The following FRMD3 variants were observed in gnomAD, a reference collection of about 807,000 sequenced individuals.
FRMD3 encodes the protein FERM domain-containing protein 3.
FRMD3 carries 33 observed loss-of-function variants against 70.2 expected under a neutral mutation model. The ratio of observed to expected loss-of-function variants is 0.47; its 90% CI spans 0.36 to 0.63. FRMD3 has a LOEUF of 0.63. FRMD3 is among the 20% of genes least tolerant of loss of function. The pLI is 0.00. For synonymous variants in FRMD3, 279 were observed against 255.9 expected, an observed-to-expected ratio of 1.09 and a Z score of -0.86; for missense variants, 632 against 711.4, an observed-to-expected ratio of 0.89 and a Z score of 1.27.
intron 13 of FRMD3, among the ~76,000 whole-genome samples, chr9:83,253,535 C>T (rs935089174): frequency 6.6e-6 from 1 of 152,254 alleles, no homozygotes; most frequent in Admixed American, 6.5e-5. Context: ...CACTGGCCAT[C>T]AGAGAAATGC....
At chr9:83,463,825 A>C (rs1329566314) in intron 1 of FRMD3, among the ~76,000 whole-genome samples, 1 of 152,186 alleles carries the variant, frequency 6.6e-6, no homozygotes, top group Non-Finnish European at 1.5e-5. Context: ...GCCCTTGCCC[A>C]TTGATGGCCA....
At chr9:83,301,908 T>A (rs1834943793) in intron 10 of FRMD3, among the ~76,000 whole-genome samples, 1 of 152,250 alleles carries the variant, frequency 6.6e-6, no homozygotes, top group African/African-American at 2.4e-5. Flanking sequence ...CGGGTTCCCC[T>A]GGAGGAGTAT....
Position 83,247,586 on chromosome 9 carries a change from G to A in FRMD3, c.*332C>T, listed in dbSNP as rs778226410. The A allele has an allele frequency of 1.6e-5, 16 of 1,029,754 alleles. No homozygotes were observed. The East Asian group carries it at 5.1e-4, about 33-fold the overall frequency. 63.8% of individuals were successfully genotyped at this position (1,029,754 alleles called of 1,614,324 possible). A position where few individuals can be genotyped will look rare whatever the true frequency, so the allele number is the denominator to read the frequency against. On this transcript the variant is annotated 3_prime_UTR_variant, in exon 14 of 14. Coordinates refer to ENST00000304195, the MANE Select transcript of FRMD3 (RefSeq NM_174938.6). ...TCTGAACCTTATAGCTTATAATGGT[G>A]CCAACTATTAGAAATGGGAAAATCT...
At chr9:83,453,767 G>A (rs1827736562) in intron 1 of FRMD3, among the ~76,000 whole-genome samples, 2 of 139,192 alleles carry the variant, frequency 1.4e-5, no homozygotes, top group South Asian at 4.5e-4. Context: ...ACAGGCTAGA[G>A]TGCAGTGGCA....
At chr9:83,529,309 C>A (rs946783997) in intron 1 of FRMD3, among the ~76,000 whole-genome samples, 14 of 152,248 alleles carry the variant, frequency 9.2e-5, no homozygotes, top group African/African-American at 3.4e-4. Flanking sequence ...CTACCTCACA[C>A]CATACACAAA....
chr9:83,568,568 C>T, the FRMD3 span, among the ~76,000 whole-genome samples: 1 of 152,046 alleles, frequency 6.6e-6, no homozygotes, highest in Admixed American at 6.6e-5. Context: ...TGATCTTACT[C>T]ATGTGTGGAA....
chr9:83,504,161 C>A (rs2131517802), intron 1 of FRMD3, among the ~76,000 whole-genome samples: 1 of 152,222 alleles, frequency 6.6e-6, no homozygotes, highest in East Asian at 1.9e-4. Context: ...CCCTTCAAGG[C>A]CAGGCCAGTG....
At chr9:83,541,932 TTTA>T (rs1830004476), upstream of FRMD3, among the ~76,000 whole-genome samples, 2 of 152,254 alleles carry the variant, frequency 1.3e-5, no homozygotes, top group South Asian at 4.1e-4. Context: ...GAAACATTTT[TTTA>T]TTTTTTATTA....
chr9:83,369,979 T>C (rs1824918733), intron 3 of FRMD3, among the ~76,000 whole-genome samples: 1 of 152,194 alleles, frequency 6.6e-6, no homozygotes, highest in African/African-American at 2.4e-5. Context: ...AATAACGCCA[T>C]GTTTGTTAAT....
chr9:83,269,235 T>G (rs901086344), intron 13 of FRMD3, among the ~76,000 whole-genome samples: 2 of 152,226 alleles, frequency 1.3e-5, no homozygotes, highest in Non-Finnish European at 2.9e-5. Flanking sequence ...AATCTTTATG[T>G]TTATCATCAT....
intron 1 of FRMD3, among the ~76,000 whole-genome samples, chr9:83,483,661 C>G (rs1828620499): frequency 6.6e-6 from 1 of 152,074 alleles, no homozygotes; most frequent in Non-Finnish European, 1.5e-5. Flanking sequence ...GAGTTTGAGA[C>G]CAGCCTGCGC....
Position 83,537,976 on chromosome 9 carries a change from C to T in FRMD3, c.147+109G>A, listed in dbSNP as rs1829935601. On this transcript the variant is annotated intron_variant, in intron 1 of 13. Coordinates refer to ENST00000304195, the MANE Select transcript of FRMD3 (RefSeq NM_174938.6). The surrounding 1 kb of genome is among the most constrained non-coding windows in gnomAD (Gnocchi z 4.1). The stretch of plus-strand genomic sequence containing the variant: ...AATCGAAATCTGGCTTTCTAGCAGT[C>T]CCCCAATCCCCTCCGGGAGTGGGTT... The T allele has an allele frequency of 7.9e-7, 1 of 1,262,444 alleles. No homozygotes were observed. Among genetic ancestry groups the T allele is most frequent in the Non-Finnish European group, 1.1e-6 (1 of 904,884 alleles). The allele number at this position is 1,262,444 out of a possible 1,614,324, so 78.2% of individuals were successfully genotyped here.
At chr9:83,440,134 A>G (rs1827253641) in intron 1 of FRMD3, among the ~76,000 whole-genome samples, 1 of 152,186 alleles carries the variant, frequency 6.6e-6, no homozygotes, top group Non-Finnish European at 1.5e-5. Context: ...AGCAGAGGAA[A>G]CCAGACCCAA....
At chr9:83,360,663 C>T (rs968375368) in intron 3 of FRMD3, among the ~76,000 whole-genome samples, 7 of 152,168 alleles carry the variant, frequency 4.6e-5, no homozygotes, top group South Asian at 4.1e-4. Flanking sequence ...CACACTACCC[C>T]GCTTCCCACG....
chr9:83,251,320 A>C (rs1179341535), intron 13 of FRMD3, among the ~76,000 whole-genome samples: 2 of 152,180 alleles, frequency 1.3e-5, no homozygotes, highest in South Asian at 2.1e-4. Flanking sequence ...AACAGAAAAC[A>C]ACAACATCAA....
chr9:83,349,804 T>C (rs776608790), intron 3 of FRMD3, 47 bp from the exon 4 acceptor site: 19 of 1,449,006 alleles, frequency 1.3e-5, no homozygotes, highest in Middle Eastern at 3.4e-4. Flanking sequence ...CAAAAGACCA[T>C]GGCCTCAAAC....
Position 83,256,037 on chromosome 9 carries a change from G to C in FRMD3, c.1196-7521C>G, listed in dbSNP as rs116217427. Among the ~76,000 whole-genome samples, 1,441 of 152,162 alleles carry C rather than the reference G, an allele frequency of 9.5e-3. 23 individuals carry two copies. The highest frequency in any genetic ancestry group is 0.033 in the African/African-American group (1,367 of 41,508). On this transcript the variant is annotated intron_variant, in intron 13 of 13. Transcript: ENST00000304195. ...ACAAAAATATTTTAAAATTCGTATG[G>C]AACCAAAAAGAGCCCAAATAACCAA... is the stretch of plus-strand genomic sequence containing the variant.
intron 6 of FRMD3, among the ~76,000 whole-genome samples, chr9:83,316,501 A>T (rs1049772046): frequency 6.6e-6 from 1 of 152,212 alleles, no homozygotes; most frequent in Admixed American, 6.5e-5. Flanking sequence ...AGCCATCTAC[A>T]GAATACTCCT....
At chr9:83,543,840 G>A in the FRMD3 span, among the ~76,000 whole-genome samples, 1 of 152,214 alleles carries the variant, frequency 6.6e-6, no homozygotes, top group Non-Finnish European at 1.5e-5. Context: ...CTCTGTGGGT[G>A]AAGAGTGTGG....
Sources: gnomAD v4.1 joint callset for allele counts (sites outside exome capture counted in the v4.1 genomes callset) on GRCh38, gnomAD v4.1.1 for gene constraint, Gnocchi (gnomAD v3.1) non-coding constraint, MANE v1.5 for transcripts, NCBI Gene and HGNC (gene_info 2026-07-23, HGNC 2026-07-21) for gene names.